The following RNF157 variants were observed in gnomAD, a reference collection of about 807,000 sequenced individuals.
RNF157 encodes E3 ubiquitin ligase RNF157.
A neutral mutation model predicts 88.3 loss-of-function variants in RNF157; 55 were observed. The observed-to-expected ratio is 0.62, with a 90% CI of 0.50 to 0.78. The LOEUF (loss-of-function observed/expected upper bound fraction) is 0.78, where lower values mean the gene tolerates loss of function less well. Ranked by LOEUF, RNF157 falls within the 30% of genes least tolerant of loss-of-function variation. The probability of loss-of-function intolerance (pLI) is 0.00; values close to 1 mark genes in which losing one functional copy is unlikely to be tolerated. For missense variants in RNF157, 788 were observed against 860.8 expected (o/e 0.92, Z 1.06); for synonymous variants, 334 against 341.2 (o/e 0.98, Z 0.23).
At chr17:76,189,127 T>C (rs574819316) in intron 2 of RNF157, among the ~76,000 whole-genome samples, 1 of 152,312 alleles carries the variant, frequency 6.6e-6, no homozygotes, top group South Asian at 2.1e-4. Flanking sequence ...CTGGACTAGA[T>C]CCTAGAACTA....
chr17:76,170,799 G>C (rs988749452), intron 3 of RNF157, among the ~76,000 whole-genome samples: 4 of 152,120 alleles, frequency 2.6e-5, no homozygotes, highest in Admixed American at 6.5e-5. Context: ...TTCACTATGT[G>C]TTTCCAGCTT....
chr17:76,187,332 T>C (rs1451728037), intron 2 of RNF157, among the ~76,000 whole-genome samples: 1 of 151,828 alleles, frequency 6.6e-6, no homozygotes, highest in African/African-American at 2.4e-5. Flanking sequence ...TACAGGTGCA[T>C]GACACCATGC....
rs148853520 is a variant in RNF157 at position 76,155,914 on chromosome 17, T to C, written c.1526-180A>G. On this transcript the variant is annotated intron_variant, in intron 14 of 18. Coordinates refer to ENST00000269391, the MANE Select transcript of RNF157 (RefSeq NM_052916.3). ...TCCAAAATTCTGCTCCTTTATATTT[T>C]AGAGCTCAGAACTCAGCCTTGGGGA... 3.7e-4 allele frequency among the ~76,000 whole-genome samples: 56 copies of C among 152,346 alleles called. No individual in the cohort carries two copies. In the East Asian group the frequency reaches 0.01, roughly 28 times the overall value.
intron 13 of RNF157, among the ~76,000 whole-genome samples, chr17:76,156,859 C>T (rs762603927): frequency 6.6e-5 from 10 of 152,198 alleles, no homozygotes; most frequent in South Asian, 2.1e-4. Context: ...CAGCCTCACC[C>T]GTCCAAGATG....
intron 2 of RNF157, among the ~76,000 whole-genome samples, chr17:76,196,692 G>C (rs1024042139): frequency 6.6e-6 from 1 of 152,096 alleles, no homozygotes; most frequent in African/African-American, 2.4e-5. Context: ...GCTGTGGAGA[G>C]TTTTGGCTAC....
At chr17:76,197,351 T>C (rs1340806176) in intron 2 of RNF157, among the ~76,000 whole-genome samples, 2 of 152,116 alleles carry the variant, frequency 1.3e-5, no homozygotes, top group African/African-American at 2.4e-5. Context: ...GTTTCAGGTA[T>C]AGCAATCAAA....
At chr17:76,225,932 G>C (rs547204732) in intron 1 of RNF157, 1 of 1,612,922 alleles carries the variant, frequency 6.2e-7, no homozygotes, top group East Asian at 2.2e-5. Flanking sequence ...GTACCTAGTG[G>C]CTGCTGTCTT....
At chr17:76,187,760 A>C (rs111651709) in intron 2 of RNF157, among the ~76,000 whole-genome samples, 111 of 151,890 alleles carry the variant, frequency 7.3e-4, no homozygotes, top group Middle Eastern at 3.4e-3. Flanking sequence ...CATCCAGCTA[A>C]TTTGTTTTGT....
chr17:76,149,267 T>C (rs2068636143), intron 18 of RNF157, among the ~76,000 whole-genome samples: 1 of 152,144 alleles, frequency 6.6e-6, no homozygotes, highest in African/African-American at 2.4e-5. Context: ...CCAGGTCTCC[T>C]GGCAGAGCCC....
chr17:76,189,555 G>A (rs2069348502), intron 2 of RNF157, among the ~76,000 whole-genome samples: 3 of 152,114 alleles, frequency 2.0e-5, no homozygotes. Flanking sequence ...GTTTAGTCAG[G>A]AAAACAGGTA....
At chr17:76,209,280 A>G (rs970880280) in intron 2 of RNF157, among the ~76,000 whole-genome samples, 5 of 152,168 alleles carry the variant, frequency 3.3e-5, no homozygotes, top group African/African-American at 9.7e-5. Context: ...GCTGCTACCT[A>G]GCATTTCAGA....
intron 1 of RNF157, among the ~76,000 whole-genome samples, chr17:76,219,375 A>G (rs1030780936): frequency 6.6e-6 from 1 of 151,958 alleles, no homozygotes. Flanking sequence ...CATATCAATC[A>G]TATCAATAAA....
rs1450309566 is a variant in RNF157, at chr17:76,197,992, T to C, written c.207+14372A>G. ...GAGGAACCTGCTCCTCCACCCTTCATGATTACACAGAGGTCTCAAATGAGG... is the reference window on the plus strand; with the variant it reads ...GAGGAACCTGCTCCTCCACCCTTCACGATTACACAGAGGTCTCAAATGAGG... On this transcript the variant is annotated intron_variant, in intron 2 of 18. Transcript: ENST00000269391. Among the ~76,000 whole-genome samples the C allele has an allele frequency of 2.0e-5, 3 of 152,316 alleles. No homozygotes were observed. The East Asian group carries it at 5.8e-4, about 29-fold the overall frequency.
chr17:76,212,318 T>A, intron 2 of RNF157, 46 bp downstream of exon 2: 1 of 1,297,098 alleles, frequency 7.7e-7, no homozygotes, highest in Middle Eastern at 1.8e-4. Flanking sequence ...ATTTTTTGAA[T>A]TGGCCACTTA....
chr17:76,226,480 T>C, intron 1 of RNF157: 2 of 1,610,464 alleles, frequency 1.2e-6, no homozygotes, highest in South Asian at 1.1e-5. Context: ...AAAGGTCATC[T>C]GGCATGGTTT....
chr17:76,187,632 C>T (rs974907644), intron 2 of RNF157, among the ~76,000 whole-genome samples: 3 of 152,130 alleles, frequency 2.0e-5, no homozygotes, highest in Admixed American at 6.6e-5. Flanking sequence ...CTCACTCTGT[C>T]GCCCAGGCTG....
At chr17:76,155,410 G>C (rs2068747591) in intron 15 of RNF157, 93 bp from the exon 16 acceptor site, 1 of 1,473,502 alleles carries the variant, frequency 6.8e-7, no homozygotes, top group Admixed American at 1.7e-5. Flanking sequence ...TGTCAAATAG[G>C]AGGGTCAGAC....
chr17:76,158,353 G>T, intron 13 of RNF157, 40 bp downstream of exon 13: 1 of 1,382,060 alleles, frequency 7.2e-7, no homozygotes, highest in Non-Finnish European at 1.0e-6. Flanking sequence ...GGAAGTCCCT[G>T]GAGTACAACA....
At chr17:76,167,416 G>T (rs1328798617) in intron 4 of RNF157, among the ~76,000 whole-genome samples, 4 of 152,204 alleles carry the variant, frequency 2.6e-5, no homozygotes, top group African/African-American at 9.6e-5. Flanking sequence ...AAGGGAAAAG[G>T]TAAAGGGTAG....
Sources: allele counts gnomAD v4.1 joint callset (sites outside exome capture counted in the v4.1 genomes callset), GRCh38; gene constraint gnomAD v4.1.1; transcripts MANE v1.5; gene names NCBI Gene and HGNC (gene_info 2026-07-23, HGNC 2026-07-21).